The following ASPH variants were observed in gnomAD, a reference collection of about 807,000 sequenced individuals.
ASPH encodes the protein aspartyl/asparaginyl beta-hydroxylase.
ASPH carries 100 observed loss-of-function variants against 118.4 expected under a neutral mutation model. The observed-to-expected ratio is 0.84, with a 90% CI of 0.72 to 1.00. The LOEUF (loss-of-function observed/expected upper bound fraction) is 1.00. Ranked by LOEUF, ASPH falls within the 50% of genes least tolerant of loss-of-function variation. The pLI, the probability that ASPH is intolerant of heterozygous loss-of-function variation, is 0.00. For synonymous variants in ASPH, 315 were observed against 325.6 expected (o/e 0.97, Z 0.35); for missense variants, 920 against 919.5 (o/e 1.00, Z -0.01).
At chr8:61,529,749 C>G (rs909123844) in intron 21 of ASPH, among the ~76,000 whole-genome samples, 3 of 152,144 alleles carry the variant, frequency 2.0e-5, no homozygotes, top group African/African-American at 7.2e-5. Context: ...ATGAGAAGTT[C>G]AAACTCAAGA....
At chr8:61,530,805 C>A (rs974600083) in intron 21 of ASPH, among the ~76,000 whole-genome samples, 1 of 152,130 alleles carries the variant, frequency 6.6e-6, no homozygotes, top group African/African-American at 2.4e-5. Flanking sequence ...CAGTATAACT[C>A]CCGGCTAATT....
rs116823072 is a variant in ASPH at position 61,644,029 on chromosome 8, T to A, written c.653-28A>T. The A allele has an allele frequency of 2.9e-4, 440 of 1,542,374 alleles. 2 individuals carry two copies. The African/African-American group carries it at 5.3e-3, about 19-fold the overall frequency. On this transcript the variant is annotated intron_variant, in intron 7 of 24. Transcript: ENST00000379454. ...ATAAATTATGGAATAATTAGGAAATTACGTCTCAAATAAGGAATACATGTA... is the reference window on the plus strand; with the variant it reads ...ATAAATTATGGAATAATTAGGAAATAACGTCTCAAATAAGGAATACATGTA...
At chr8:61,521,367 G>C (rs765318987) in intron 22 of ASPH, among the ~76,000 whole-genome samples, 3 of 151,476 alleles carry the variant, frequency 2.0e-5, no homozygotes, top group Non-Finnish European at 2.9e-5. Context: ...ACTGTGCCAA[G>C]TCTTTCATCT....
intron 1 of ASPH, among the ~76,000 whole-genome samples, chr8:61,706,380 G>C (rs1368270098): frequency 1.6e-5 from 2 of 124,846 alleles, no homozygotes; most frequent in Non-Finnish European, 3.2e-5. Flanking sequence ...ACTGCAGCCT[G>C]GGTGAAAGAG....
chr8:61,542,248 T>A (rs942128310), intron 21 of ASPH, among the ~76,000 whole-genome samples: 23 of 152,224 alleles, frequency 1.5e-4, no homozygotes, highest in African/African-American at 5.1e-4. Context: ...AAGTCTGCCA[T>A]CTTGTTATTC....
At chr8:61,650,618 G>A (rs7840731) in intron 5 of ASPH, among the ~76,000 whole-genome samples, 71,880 of 151,886 alleles carry the variant, frequency 0.47, 17,337 homozygotes, top group Middle Eastern at 0.53. Context: ...TTTTTTTCCT[G>A]TCTGCTTAGT....
chr8:61,525,407 C>T (rs1341101312), intron 22 of ASPH, among the ~76,000 whole-genome samples: 1 of 151,600 alleles, frequency 6.6e-6, no homozygotes, highest in Non-Finnish European at 1.5e-5. Context: ...GTGCCTGTAC[C>T]TGGGTTAAGC....
At chr8:61,569,925 C>A (rs962960149) in intron 16 of ASPH, among the ~76,000 whole-genome samples, 1 of 152,180 alleles carries the variant, frequency 6.6e-6, no homozygotes, top group African/African-American at 2.4e-5. Flanking sequence ...TAGGTATCAG[C>A]TCCTTGTGAG....
rs1433030596 is a variant in ASPH, at chr8:61,643,528, A to G, written c.710-95T>C. ...GATTCATAAATTAATTATCTTCACA[A>G]CTTTGCCAGATAGATGTTTTCATTA... On this transcript the variant is annotated intron_variant, in intron 8 of 24. Coordinates refer to ENST00000379454, the MANE Select transcript of ASPH (RefSeq NM_004318.4). 3 of 1,238,644 alleles carry G rather than the reference A, an allele frequency of 2.4e-6. No individual in the cohort carries two copies. In the Admixed American group the frequency reaches 6.0e-5, roughly 25 times the overall value. The allele number at this position is 1,238,644 out of a possible 1,614,324, so 76.7% of individuals were successfully genotyped here.
intron 22 of ASPH, among the ~76,000 whole-genome samples, chr8:61,521,548 A>G (rs1813030735): frequency 6.6e-6 from 1 of 152,212 alleles, no homozygotes; most frequent in Non-Finnish European, 1.5e-5. Context: ...TATGCTTTAA[A>G]GCATAATTTC....
chr8:61,596,293 C>A (rs1374695517), intron 14 of ASPH, among the ~76,000 whole-genome samples: 2 of 152,180 alleles, frequency 1.3e-5, no homozygotes, highest in East Asian at 1.9e-4. Flanking sequence ...CACTTGTACA[C>A]CCTACCTGGG....
At chr8:61,649,926 C>G (rs1457485236) in intron 5 of ASPH, among the ~76,000 whole-genome samples, 1 of 152,148 alleles carries the variant, frequency 6.6e-6, no homozygotes, top group African/African-American at 2.4e-5. Context: ...ATTCCACGTG[C>G]CAGCCATTCT....
rs920541258 is a variant in ASPH at position 61,564,338 on chromosome 8, G to A, written c.1301-1458C>T. Among the ~76,000 whole-genome samples, 21 of 142,600 alleles carry A rather than the reference G, an allele frequency of 1.5e-4. No homozygotes were observed. In the South Asian group the frequency reaches 3.1e-3, roughly 21 times the overall value. The allele number at this position is 142,600 out of a possible 152,430, so 93.6% of individuals were successfully genotyped here. A position where few individuals can be genotyped will look rare whatever the true frequency, so the allele number is the denominator to read the frequency against. ...TTTTGAGATGGAGTCTTGCTCTGTC[G>A]CCCAGGCTGGAGTGCAGTGGCATGA... On this transcript the variant is annotated intron_variant, in intron 17 of 24. Transcript: ENST00000379454.
chr8:61,691,198 G>C (rs575174385), intron 1 of ASPH, among the ~76,000 whole-genome samples: 5 of 152,134 alleles, frequency 3.3e-5, no homozygotes, highest in East Asian at 1.9e-4. Context: ...GGTGTGCCTA[G>C]TCTCAAAGGG....
At chr8:61,577,947 A>G (rs1159843274) in intron 15 of ASPH, among the ~76,000 whole-genome samples, 2 of 152,182 alleles carry the variant, frequency 1.3e-5, no homozygotes, top group Non-Finnish European at 2.9e-5. Flanking sequence ...AAACACAATC[A>G]TGCCTTTACA....
intron 1 of ASPH, among the ~76,000 whole-genome samples, chr8:61,702,994 C>A (rs1177955606): frequency 6.6e-6 from 1 of 152,150 alleles, no homozygotes; most frequent in Non-Finnish European, 1.5e-5. Flanking sequence ...TACAGACCCA[C>A]ATCTAACATA....
rs942128310 is a variant in ASPH at position 61,542,248 on chromosome 8, T to C, written c.1764+5823A>G. Among the ~76,000 whole-genome samples the C allele has an allele frequency of 2.0e-5, 3 of 152,224 alleles. No homozygotes were observed. In the South Asian group the frequency reaches 6.2e-4, roughly 31 times the overall value. ...ATGTAATTGCTGATAAAGTCTGCCA[T>C]CTTGTTATTCATTTTTAATGTCCTT... On this transcript the variant is annotated intron_variant, in intron 21 of 24. Transcript: ENST00000379454.
intron 19 of ASPH, 92 bp downstream of exon 19, chr8:61,555,832 G>A (rs897023667): frequency 3.3e-5 from 36 of 1,091,990 alleles, no homozygotes; most frequent in Non-Finnish European, 4.5e-5. Context: ...ACTCAGCAGT[G>A]CATGCAATCA....
At chr8:61,523,872 T>C (rs1195997748) in intron 22 of ASPH, among the ~76,000 whole-genome samples, 1 of 152,168 alleles carries the variant, frequency 6.6e-6, no homozygotes, top group African/African-American at 2.4e-5. Context: ...AGAGGGTCAC[T>C]TGAAGCCAAG....
Sources: gnomAD v4.1 joint callset for allele counts (sites outside exome capture counted in the v4.1 genomes callset) on GRCh38, gnomAD v4.1.1 for gene constraint, MANE v1.5 for transcripts, NCBI Gene and HGNC (gene_info 2026-07-23, HGNC 2026-07-21) for gene names.